Variants in RFXAP observed in about 807,000 individuals in gnomAD.
RFXAP encodes regulatory factor X associated protein.
Under a neutral mutation model 25.7 loss-of-function variants are expected in RFXAP, and 21 were observed. The observed-to-expected ratio is 0.82, with a 90% CI of 0.58 to 1.18. The LOEUF (loss-of-function observed/expected upper bound fraction) is 1.18. Among genes scored for constraint, RFXAP ranks in the 50% most tolerant of loss-of-function variants. The pLI, the probability that RFXAP is intolerant of heterozygous loss-of-function variation, is 0.00. For synonymous variants in RFXAP, 161 were observed against 152.2 expected (o/e 1.06, Z -0.43); for missense variants, 333 against 363.0 (o/e 0.92, Z 0.67).
In RFXAP at chr13:36,819,263, C is replaced by G. The variant is rs539956375; in HGVS notation, c.-95C>G. ...CCTTCCCGGTATAGGCGCCTTTTAC[C>G]CCAGCGTGTCCTGAGTCTTTGGTTC... On this transcript the variant is annotated 5_prime_UTR_variant, in exon 1 of 3. Coordinates refer to ENST00000255476, the MANE Select transcript of RFXAP (RefSeq NM_000538.4). The G allele has an allele frequency of 8.5e-7, 1 of 1,183,026 alleles. No individual in the cohort carries two copies. Among genetic ancestry groups the G allele is most frequent in the Non-Finnish European group, 1.1e-6 (1 of 947,894 alleles). 73.3% of individuals were successfully genotyped at this position (1,183,026 alleles called of 1,614,324 possible). A position where few individuals can be genotyped will look rare whatever the true frequency, so the allele number is the denominator to read the frequency against.
chr13:36,820,857 G>C (rs570852380), intron 1 of RFXAP, among the ~76,000 whole-genome samples: 2 of 152,118 alleles, frequency 1.3e-5, no homozygotes, highest in Non-Finnish European at 2.9e-5. Flanking sequence ...GTCATTCATA[G>C]TGTTGCTGTG....
At chr13:36,824,715 A>G (rs901581711) in intron 1 of RFXAP, among the ~76,000 whole-genome samples, 1 of 152,210 alleles carries the variant, frequency 6.6e-6, no homozygotes, top group South Asian at 2.1e-4. Context: ...AACTGGGGGT[A>G]CATATTTGGT....
intron 1 of RFXAP, among the ~76,000 whole-genome samples, chr13:36,820,822 T>C (rs2057959524): frequency 6.6e-6 from 1 of 152,204 alleles, no homozygotes; most frequent in Non-Finnish European, 1.5e-5. Context: ...TATTAAACTC[T>C]GTAAAATGGG....
At position 36,819,926 on chromosome 13, in the gene RFXAP, C is replaced by G; in HGVS notation, c.569C>G (p.Ser190Trp). Residue 190 changes from serine (S) to tryptophan (W), a missense_variant, in exon 1 of 3, where the codon TCG (serine) becomes TGG (tryptophan). Coordinates refer to ENST00000255476, the MANE Select transcript of RFXAP (RefSeq NM_000538.4). ...DQALNCGGTA[S>W]TGSAGNVKLE... is the part of the protein sequence containing the mutation. ...GCCCTGAACTGCGGTGGGACTGCCT[C>G]GACTGGCAGCGCGGGAAACGTCAAA... 1 of 1,613,778 alleles carries G rather than the reference C, an allele frequency of 6.2e-7. No individual in the cohort carries two copies. The highest frequency in any genetic ancestry group is 8.5e-7 in the Non-Finnish European group (1 of 1,179,904).
chr13:36,825,626 G>T (rs1593532210), intron 2 of RFXAP, 91 bp downstream of exon 2: 2 of 847,234 alleles, frequency 2.4e-6, no homozygotes, highest in Non-Finnish European at 3.9e-6. Flanking sequence ...TTTAGCTCAT[G>T]ACATCACACT....
At chr13:36,823,021 C>T (rs1228119357) in intron 1 of RFXAP, among the ~76,000 whole-genome samples, 1 of 152,140 alleles carries the variant, frequency 6.6e-6, no homozygotes, top group Non-Finnish European at 1.5e-5. Context: ...CAATAGTTTA[C>T]GCTTAATGAG....
At chr13:36,827,149 T>TATAC (rs1555302838) in intron 2 of RFXAP, among the ~76,000 whole-genome samples, 1 of 151,996 alleles carries the variant, frequency 6.6e-6, no homozygotes, top group African/African-American at 2.4e-5. Context: ...TATATATATA[T>TATAC]ACACACCTAT....
intron 1 of RFXAP, among the ~76,000 whole-genome samples, chr13:36,821,900 TTA>T (rs1238406764): frequency 6.6e-6 from 1 of 152,048 alleles, no homozygotes; most frequent in African/African-American, 2.4e-5. Context: ...TAATCTTAGT[TTA>T]AAAACCCCCT....
intron 1 of RFXAP, among the ~76,000 whole-genome samples, chr13:36,821,503 A>C (rs188347807): frequency 2.0e-4 from 30 of 152,000 alleles, no homozygotes; most frequent in Non-Finnish European, 3.1e-4. Context: ...TCAACAAAAA[A>C]ATTTTAAAAA....
At chr13:36,827,146 A>G (rs1244627879) in intron 2 of RFXAP, among the ~76,000 whole-genome samples, 1 of 152,058 alleles carries the variant, frequency 6.6e-6, no homozygotes, top group Non-Finnish European at 1.5e-5. Flanking sequence ...ACATATATAT[A>G]TATACACACC....
Position 36,819,895 on chromosome 13 carries a change from G to C in RFXAP, c.538G>C (p.Asp180His), listed in dbSNP as rs756942572. The change falls in exon 1 of 3, where the codon GAC becomes CAC. Residue 180 changes from aspartate (D) to histidine (H), a missense_variant. Coordinates refer to ENST00000255476, the MANE Select transcript of RFXAP (RefSeq NM_000538.4). ...YKDKYKKKKS[D>H]QALNCGGTAS... ...GGACAAGTATAAAAAGAAGAAGAGC[G>C]ACCAGGCCCTGAACTGCGGTGGGAC... 6.2e-6 allele frequency: 10 copies of C among 1,613,486 alleles called. No homozygotes were observed. The East Asian group carries it at 6.7e-5, about 11-fold the overall frequency.
chr13:36,827,767 G>C lies in RFXAP; in HGVS notation c.*14G>C, dbSNP rs770702664. 1 of 1,546,226 alleles carries C rather than the reference G, an allele frequency of 6.5e-7. No homozygotes were observed. Among genetic ancestry groups the C allele is most frequent in the South Asian group, 1.1e-5 (1 of 88,430 alleles). On this transcript the variant is annotated 3_prime_UTR_variant, in exon 3 of 3. Transcript: ENST00000255476. ...ACATCAATGTGAGGGAACTTACCAAGAACATCTACATGGTTTTTTATCTTA... is the reference window on the plus strand; with the variant it reads ...ACATCAATGTGAGGGAACTTACCAACAACATCTACATGGTTTTTTATCTTA...
chr13:36,826,350 G>A (rs373203059), intron 2 of RFXAP, among the ~76,000 whole-genome samples: 1 of 152,162 alleles, frequency 6.6e-6, no homozygotes, highest in Non-Finnish European at 1.5e-5. Context: ...ACCATTAAAT[G>A]ATATGGAAAG....
intron 1 of RFXAP, among the ~76,000 whole-genome samples, chr13:36,820,905 G>C (rs1322220782): frequency 2.0e-5 from 3 of 152,150 alleles, no homozygotes; most frequent in Non-Finnish European, 4.4e-5. Flanking sequence ...TTCACACAGT[G>C]TCCAGCAACT....
intron 1 of RFXAP, among the ~76,000 whole-genome samples, chr13:36,821,998 G>A (rs954193973): frequency 6.6e-6 from 1 of 152,154 alleles, no homozygotes. Context: ...ATGAAAGTTA[G>A]TAAAGGTGAT....
rs769276353 is a variant in RFXAP, at chr13:36,827,829, A to G, written c.*76A>G. On this transcript the variant is annotated 3_prime_UTR_variant, in exon 3 of 3. Transcript: ENST00000255476. ...GAGCATATTTTTTTACCAGACATAA[A>G]TGGGGTAATAATCTATGCCTGTAGA... 23 of 1,114,466 alleles carry G rather than the reference A, an allele frequency of 2.1e-5. No individual in the cohort carries two copies. The highest frequency in any genetic ancestry group is 1.4e-4 in the African/African-American group (9 of 64,206). The allele number at this position is 1,114,466 out of a possible 1,614,324, so 69.0% of individuals were successfully genotyped here.
At chr13:36,826,945 C>T (rs2057979959) in intron 2 of RFXAP, among the ~76,000 whole-genome samples, 2 of 152,240 alleles carry the variant, frequency 1.3e-5, no homozygotes, top group South Asian at 2.1e-4. Flanking sequence ...GAGCTATGCT[C>T]ACGCCACTGC....
At position 36,825,531 on chromosome 13, in the gene RFXAP, G is replaced by C. The variant is rs1455127590; in HGVS notation, c.704G>C (p.Arg235Thr). 6.3e-7 allele frequency: 1 copy of C among 1,597,108 alleles called. No individual in the cohort carries two copies. The highest frequency in any genetic ancestry group is 8.6e-7 in the Non-Finnish European group (1 of 1,166,630). The change falls in exon 2 of 3, where the codon AGA becomes ACA. Residue 235 changes from arginine (R) to threonine (T), a missense_variant. Arg to Thr is a moderately conservative substitution (Grantham distance 71). Coordinates refer to ENST00000255476, the MANE Select transcript of RFXAP (RefSeq NM_000538.4). Reference protein sequence around the residue: ...TLLEQVLNQKRLSLLRSPEVV... With the variant: ...TLLEQVLNQKTLSLLRSPEVV... ...TTAGAACAAGTGTTAAATCAAAAAA[G>C]ACTGGTAAATATCTGTTTGTAAATC...
In RFXAP at chr13:36,827,989, G is replaced by GT. The variant is rs1211723084; in HGVS notation, c.*242dup. On this transcript the variant is annotated 3_prime_UTR_variant, in exon 3 of 3. Transcript: ENST00000255476. ...TTTCCAAATAACATTTAATTATAAT[G>GT]TTTTTTAAAAAATATATTCCTCTTC... 5 of 481,972 alleles carry GT rather than the reference G, an allele frequency of 1.0e-5. No homozygotes were observed. The highest frequency in any genetic ancestry group is 9.9e-5 in the African/African-American group (5 of 50,760). 29.9% of individuals were successfully genotyped at this position (481,972 alleles called of 1,614,324 possible).
Sources: gnomAD v4.1 joint callset for allele counts (sites outside exome capture counted in the v4.1 genomes callset) on GRCh38, gnomAD v4.1.1 for gene constraint, MANE v1.5 for transcripts, NCBI Gene and HGNC (gene_info 2026-07-23, HGNC 2026-07-21) for gene names.